ABCA12: variants seen among roughly 807,000 people sequenced by gnomAD.
ABCA12 encodes glucosylceramide transporter ABCA12.
A neutral mutation model predicts 293.5 loss-of-function variants in ABCA12; 156 were observed. That is an observed-to-expected ratio of 0.53 (90% CI 0.47 to 0.61). The LOEUF (loss-of-function observed/expected upper bound fraction) is 0.61, where lower values mean the gene tolerates loss of function less well. Ranked by LOEUF, ABCA12 falls within the 20% of genes least tolerant of loss-of-function variation. The pLI, the probability that ABCA12 is intolerant of heterozygous loss-of-function variation, is 0.00. For missense variants in ABCA12, 2,797 were observed against 3,090.2 expected (o/e 0.91, Z 2.25); for synonymous variants, 1,063 against 1,108.0 (o/e 0.96, Z 0.81).
intron 1 of ABCA12, among the ~76,000 whole-genome samples, chr2:215,127,195 C>T (rs114321184): frequency 0.034 from 5,205 of 152,086 alleles, 145 homozygotes; most frequent in African/African-American, 0.065. Context: ...TTTACTGAAG[C>T]TTGTTTTATG....
chr2:215,076,974 T>C (rs994713194), intron 2 of ABCA12, among the ~76,000 whole-genome samples: 1 of 152,010 alleles, frequency 6.6e-6, no homozygotes, highest in African/African-American at 2.4e-5. Flanking sequence ...GTAAAAAATA[T>C]AAAACAAGCA....
intron 2 of ABCA12, among the ~76,000 whole-genome samples, chr2:215,104,470 C>T (rs185289149): frequency 4.6e-5 from 7 of 152,292 alleles, no homozygotes; most frequent in Admixed American, 3.3e-4. Flanking sequence ...GTAGTCATCC[C>T]TGTGAGTGAT....
chr2:215,136,081 G>A (rs1257636973), intron 1 of ABCA12, among the ~76,000 whole-genome samples: 1 of 152,112 alleles, frequency 6.6e-6, no homozygotes, highest in African/African-American at 2.4e-5. Flanking sequence ...ACCTCACTCT[G>A]CCGTGAAGAC....
intron 1 of ABCA12, among the ~76,000 whole-genome samples, chr2:215,136,475 C>CT (rs1703230134): frequency 1.3e-5 from 2 of 151,824 alleles, no homozygotes; most frequent in South Asian, 2.1e-4. Flanking sequence ...TTTCCTATAA[C>CT]TTTTTTTACA....
chr2:215,033,985 T>C (rs1361123286), intron 8 of ABCA12, among the ~76,000 whole-genome samples: 1 of 152,054 alleles, frequency 6.6e-6, no homozygotes, highest in African/African-American at 2.4e-5. Context: ...TGTACTGGGA[T>C]AGACACAGCT....
rs1362460283 is a variant in ABCA12, at chr2:215,025,761, T to TGCA, written c.1196_1198dup (p.Leu399dup). 3 of 1,612,486 alleles carry TGCA rather than the reference T, an allele frequency of 1.9e-6. No individual in the cohort carries two copies. Among genetic ancestry groups the TGCA allele is most frequent in the Non-Finnish European group, 2.5e-6 (3 of 1,178,768 alleles). On this transcript the variant is annotated inframe_insertion, in exon 11 of 53. Transcript: ENST00000272895. ...AGATTTTTTAAATCGTATTGTGGAC[T>TGCA]GCAGGAGTCTTAGATTTTCTGTAAA...
chr2:215,009,683 T>G (rs1343371271), intron 18 of ABCA12, among the ~76,000 whole-genome samples: 1 of 152,180 alleles, frequency 6.6e-6, no homozygotes, highest in Admixed American at 6.5e-5. Flanking sequence ...GTTATGTTCA[T>G]ATAATTATAG....
chr2:215,083,362 A>G (rs1166283256), intron 2 of ABCA12, among the ~76,000 whole-genome samples: 2 of 152,202 alleles, frequency 1.3e-5, no homozygotes, highest in Admixed American at 1.3e-4. Flanking sequence ...TCATTCCTGA[A>G]TATGACATCA....
intron 2 of ABCA12, among the ~76,000 whole-genome samples, chr2:215,105,783 G>A (rs765422201): frequency 1.3e-5 from 2 of 152,106 alleles, no homozygotes; most frequent in South Asian, 2.1e-4. Flanking sequence ...GGAGGTAAAC[G>A]AAGGGAGGAG....
chr2:215,068,985 A>G (rs1303487615), intron 2 of ABCA12, among the ~76,000 whole-genome samples: 1 of 152,170 alleles, frequency 6.6e-6, no homozygotes, highest in East Asian at 1.9e-4. Flanking sequence ...TAGGCTCCAG[A>G]AATATTCTGT....
At chr2:215,042,022 A>C (rs912747368) in intron 7 of ABCA12, among the ~76,000 whole-genome samples, 1 of 152,212 alleles carries the variant, frequency 6.6e-6, no homozygotes, top group Non-Finnish European at 1.5e-5. Flanking sequence ...GGGTCTGATT[A>C]GAAAGGGAAA....
At position 214,991,449 on chromosome 2, in the gene ABCA12, A is replaced by G. The variant is rs369740671; in HGVS notation, c.3295-418T>C. On this transcript the variant is annotated intron_variant, in intron 23 of 52. Coordinates refer to ENST00000272895, the MANE Select transcript of ABCA12 (RefSeq NM_173076.3). ...AAAACCATGGCTTAACTATTAGTTC[A>G]GTGTAGAGACTGAGCTCATAAAAAT... 4.7e-4 allele frequency among the ~76,000 whole-genome samples: 71 copies of G among 152,332 alleles called. 2 individuals carry two copies. In the East Asian group the frequency reaches 0.013, roughly 27 times the overall value.
At chr2:214,982,075 G>GGCCAA in intron 30 of ABCA12, 112 bp downstream of exon 30, 2 of 1,120,516 alleles carry the variant, frequency 1.8e-6, no homozygotes, top group South Asian at 2.6e-5. Flanking sequence ...GCCTCCCAAA[G>GGCCAA]TGCTGGGATT....
chr2:215,129,009 C>T lies in ABCA12; in HGVS notation c.69+9131G>A, dbSNP rs192950753. On this transcript the variant is annotated intron_variant, in intron 1 of 52. Coordinates refer to ENST00000272895, the MANE Select transcript of ABCA12 (RefSeq NM_173076.3). ...GGGTGTTCCCTTGATGTAGTACTCT[C>T]CCCCTTTTCCTGTGGATGTGGCTTC... 4.5e-4 allele frequency among the ~76,000 whole-genome samples: 69 copies of T among 152,232 alleles called. 1 individual carries two copies. The East Asian group carries it at 0.011, about 23-fold the overall frequency.
In ABCA12 at chr2:215,045,871, T is replaced by C; in HGVS notation, c.838A>G (p.Ser280Gly). The C allele has an allele frequency of 6.2e-7, 1 of 1,613,686 alleles. No homozygotes were observed. Among genetic ancestry groups the C allele is most frequent in the Non-Finnish European group, 8.5e-7 (1 of 1,179,762 alleles). ...PNVFQNDTSL[S>G]NLFDVLRKAN... ...TTTCGAAGAACATCAAATAGATTGC[T>C]TAGTGATGTGTCATTCTGAAACACA... The change falls in exon 7 of 53, where the codon AGC becomes GGC. Residue 280 changes from serine to glycine, a missense_variant. Physicochemically the swap from Ser to Gly is moderately conservative, Grantham distance 56. Transcript: ENST00000272895.
chr2:215,134,614 TATAGAG>T lies in ABCA12; in HGVS notation c.69+3520_69+3525del, dbSNP rs1236515748. On this transcript the variant is annotated intron_variant, in intron 1 of 52. Transcript: ENST00000272895. ...CTCTCTCTCTCTATATATATATATA[TATAGAG>T]AGAGAGAGAGAGAGAGAGAGACAAA... Among the ~76,000 whole-genome samples, 649 of 86,260 alleles carry T rather than the reference TATAGAG, an allele frequency of 7.5e-3. 46 individuals are homozygous for T. Among genetic ancestry groups the T allele is most frequent in the African/African-American group, 0.043 (467 of 10,922 alleles). The allele number at this position is 86,260 out of a possible 152,430, so 56.6% of individuals were successfully genotyped here. A position where few individuals can be genotyped will look rare whatever the true frequency, so the allele number is the denominator to read the frequency against.
At chr2:214,978,657 T>C in intron 32 of ABCA12, 147 bp downstream of exon 32, 1 of 1,049,008 alleles carries the variant, frequency 9.5e-7, no homozygotes, top group Non-Finnish European at 1.4e-6. Context: ...TTCTCAGTCT[T>C]ACATAAGAAT....
intron 19 of ABCA12, among the ~76,000 whole-genome samples, chr2:215,005,157 T>C (rs1436793041): frequency 6.6e-6 from 1 of 152,176 alleles, no homozygotes; most frequent in African/African-American, 2.4e-5. Flanking sequence ...AGGGCTATTA[T>C]TACCTCTAAG....
chr2:215,112,952 A>G (rs1168272364), intron 1 of ABCA12, among the ~76,000 whole-genome samples: 1 of 152,242 alleles, frequency 6.6e-6, no homozygotes, highest in African/African-American at 2.4e-5. Context: ...TCACAAGAAC[A>G]TTAACTGTGA....
Sources: gnomAD v4.1 joint callset for allele counts (sites outside exome capture counted in the v4.1 genomes callset) on GRCh38, gnomAD v4.1.1 for gene constraint, MANE v1.5 for transcripts, NCBI Gene and HGNC (gene_info 2026-07-23, HGNC 2026-07-21) for gene names.